SMIM14: variants seen among roughly 807,000 people sequenced by gnomAD.
SMIM14 encodes chromosome 4 open reading frame 34.
SMIM14 carries 5 observed loss-of-function variants against 12.6 expected under a neutral mutation model. The observed-to-expected ratio is 0.40, with a 90% CI of 0.21 to 0.83. The LOEUF (loss-of-function observed/expected upper bound fraction) is 0.83. Ranked by LOEUF, SMIM14 falls within the 40% of genes least tolerant of loss-of-function variation. SMIM14 has a pLI of 0.37. For synonymous variants in SMIM14, 30 were observed against 40.1 expected, an observed-to-expected ratio of 0.75 and a Z score of 0.95; for missense variants, 86 against 119.1, an observed-to-expected ratio of 0.72 and a Z score of 1.29.
chr4:39,625,645 T>C (rs1715670079), intron 1 of SMIM14, among the ~76,000 whole-genome samples: 1 of 152,182 alleles, frequency 6.6e-6, no homozygotes, highest in Non-Finnish European at 1.5e-5. Context: ...TTCACCATGT[T>C]GGTCAGGCTG....
chr4:39,587,440 GAGCCAAGATCGCGCCACTGCACTCC>G, intron 2 of SMIM14, among the ~76,000 whole-genome samples: 1 of 143,218 alleles, frequency 7.0e-6, no homozygotes, highest in Admixed American at 7.5e-5. Flanking sequence ...GAGCTTGCAG[GAGCCAAGATCGCGCCACTGCACTCC>G]AGCCTGGGAG....
intron 3 of SMIM14, among the ~76,000 whole-genome samples, chr4:39,564,535 A>AAGC (rs1712477057): frequency 6.6e-6 from 1 of 152,230 alleles, no homozygotes; most frequent in African/African-American, 2.4e-5. Context: ...TTCTGGCTCC[A>AAGC]AGCATTTCAA....
At chr4:39,585,640 G>C (rs1286831749) in intron 2 of SMIM14, among the ~76,000 whole-genome samples, 3 of 152,040 alleles carry the variant, frequency 2.0e-5, no homozygotes, top group Middle Eastern at 3.4e-3. Flanking sequence ...CCAATACTAT[G>C]ACACTGCTAA....
At chr4:39,553,406 T>G (rs1711834138) in intron 4 of SMIM14, among the ~76,000 whole-genome samples, 1 of 151,926 alleles carries the variant, frequency 6.6e-6, no homozygotes, top group African/African-American at 2.4e-5. Context: ...GTTCTATTTC[T>G]TTAGCTCCAA....
intron 1 of SMIM14, among the ~76,000 whole-genome samples, chr4:39,616,641 T>TAAAAAAA (rs5857689): frequency 2.2e-5 from 3 of 137,262 alleles, no homozygotes; most frequent in Middle Eastern, 3.7e-3. Flanking sequence ...TCCTTACATT[T>TAAAAAAA]AAAAAAAAAA....
chr4:39,564,623 T>C (rs1425536375), intron 3 of SMIM14, among the ~76,000 whole-genome samples: 1 of 152,208 alleles, frequency 6.6e-6, no homozygotes, highest in East Asian at 1.9e-4. Context: ...TTAGCGTTTT[T>C]TAGATAAAGA....
intron 3 of SMIM14, among the ~76,000 whole-genome samples, chr4:39,570,859 AAG>A (rs1288454782): frequency 6.6e-6 from 1 of 152,116 alleles, no homozygotes; most frequent in African/African-American, 2.4e-5. Context: ...GATATTTTAT[AAG>A]TAGTGAAAAA....
At chr4:39,623,378 T>TC (rs913341169) in intron 1 of SMIM14, among the ~76,000 whole-genome samples, 7 of 152,128 alleles carry the variant, frequency 4.6e-5, no homozygotes, top group Admixed American at 3.3e-4. Flanking sequence ...AATTATCTCT[T>TC]CCCCTCTCCC....
intron 2 of SMIM14, among the ~76,000 whole-genome samples, chr4:39,585,992 A>G (rs1713766399): frequency 6.6e-6 from 1 of 152,132 alleles, no homozygotes; most frequent in East Asian, 1.9e-4. Flanking sequence ...CTTGTCCTGT[A>G]AAATAAAAGA....
chr4:39,569,841 A>G (rs939511145), intron 3 of SMIM14, among the ~76,000 whole-genome samples: 1 of 152,206 alleles, frequency 6.6e-6, no homozygotes, highest in African/African-American at 2.4e-5. Context: ...TTTTCTGCCT[A>G]AAGGTAGGAT....
At chr4:39,620,197 C>T (rs28486070) in intron 1 of SMIM14, among the ~76,000 whole-genome samples, 30,026 of 149,240 alleles carry the variant, frequency 0.2, 3,372 homozygotes, top group East Asian at 0.32. Flanking sequence ...AAAAAAAATT[C>T]GGATGGGCGC....
intron 1 of SMIM14, among the ~76,000 whole-genome samples, chr4:39,614,719 G>A (rs1715157572): frequency 6.6e-6 from 1 of 152,084 alleles, no homozygotes; most frequent in Non-Finnish European, 1.5e-5. Flanking sequence ...TCTGACTCCA[G>A]GTATATATTA....
chr4:39,625,676 G>T (rs1715671830), intron 1 of SMIM14, among the ~76,000 whole-genome samples: 1 of 152,138 alleles, frequency 6.6e-6, no homozygotes, highest in Admixed American at 6.5e-5. Flanking sequence ...CCTGACCTCT[G>T]GTGATCAGTC....
At position 39,609,982 on chromosome 4, in the gene SMIM14, C is replaced by T. The variant is rs555670832; in HGVS notation, c.-35-4802G>A. ...TCCTTATGCCAAAATAAATTCTAGACGCATGAGTGATTTAACTTTTAATTT... is the reference window on the plus strand; with the variant it reads ...TCCTTATGCCAAAATAAATTCTAGATGCATGAGTGATTTAACTTTTAATTT... On this transcript the variant is annotated intron_variant, in intron 1 of 4. Transcript: ENST00000295958. Among the ~76,000 whole-genome samples, 22 of 152,256 alleles carry T rather than the reference C, an allele frequency of 1.4e-4. No homozygotes were observed. The Middle Eastern group carries it at 0.01, about 71-fold the overall frequency.
In SMIM14 at chr4:39,546,650, AAACTT is replaced by A. The variant is rs1012768392; in HGVS notation, c.*5471_*5475del. ...GTATTGCAGCAGAGTCATTTAATGA[AAACTT>A]AACAGTTTCACTGAGGATTCAGATA... On this transcript the variant is annotated 3_prime_UTR_variant, in exon 5 of 5. Coordinates refer to ENST00000295958, the MANE Select transcript of SMIM14 (RefSeq NM_174921.3). 2.6e-5 allele frequency: 4 copies of A among 152,284 alleles called. No individual in the cohort carries two copies. The highest frequency in any genetic ancestry group is 4.8e-5 in the African/African-American group (2 of 41,478). 9.4% of individuals were successfully genotyped at this position (152,284 alleles called of 1,614,324 possible). A position where few individuals can be genotyped will look rare whatever the true frequency, so the allele number is the denominator to read the frequency against.
intron 2 of SMIM14, among the ~76,000 whole-genome samples, chr4:39,595,222 C>T: frequency 6.6e-6 from 1 of 150,552 alleles, no homozygotes; most frequent in Admixed American, 6.6e-5. Context: ...TACTATGCAG[C>T]CATCAAAAAT....
chr4:39,583,850 G>A (rs1713641226), intron 2 of SMIM14: 1 of 152,056 alleles, frequency 6.6e-6, no homozygotes, highest in South Asian at 2.1e-4. Flanking sequence ...TGCTGCACCA[G>A]TATTTCATTT....
At chr4:39,616,160 G>A (rs367589539) in intron 1 of SMIM14, among the ~76,000 whole-genome samples, 1 of 152,146 alleles carries the variant, frequency 6.6e-6, no homozygotes, top group African/African-American at 2.4e-5. Context: ...TTTTGAGGCT[G>A]AGACTCACTC....
At chr4:39,637,549 T>C (rs994087081) in intron 1 of SMIM14, among the ~76,000 whole-genome samples, 1 of 149,984 alleles carries the variant, frequency 6.7e-6, no homozygotes. Flanking sequence ...CTGAAACACC[T>C]CAATTAATGA....
Sources: allele counts gnomAD v4.1 joint callset (sites outside exome capture counted in the v4.1 genomes callset), GRCh38; gene constraint gnomAD v4.1.1; transcripts MANE v1.5; gene names NCBI Gene and HGNC (gene_info 2026-07-23, HGNC 2026-07-21).